The following DIXDC1 variants were observed in gnomAD, a reference collection of about 807,000 sequenced individuals.
DIXDC1 encodes the protein dixin.
In DIXDC1, 64 loss-of-function variants were observed where a neutral mutation model predicts 103.1. That is an observed-to-expected ratio of 0.62 (90% confidence interval 0.51 to 0.76). The LOEUF (loss-of-function observed/expected upper bound fraction) is 0.76. DIXDC1 is among the 30% of genes least tolerant of loss of function. DIXDC1 has a pLI of 0.00. For synonymous variants in DIXDC1, 266 were observed against 298.5 expected, an observed-to-expected ratio of 0.89 and a Z score of 1.12; for missense variants, 759 against 834.2, an observed-to-expected ratio of 0.91 and a Z score of 1.11.
At chr11:111,955,068 T>A (rs1966880454) in intron 1 of DIXDC1, among the ~76,000 whole-genome samples, 1 of 152,128 alleles carries the variant, frequency 6.6e-6, no homozygotes, top group Admixed American at 6.5e-5. Flanking sequence ...TGAGCACACC[T>A]ATCACCCAAA....
At chr11:111,984,819 C>G (rs186839272) in intron 7 of DIXDC1, among the ~76,000 whole-genome samples, 21 of 152,262 alleles carry the variant, frequency 1.4e-4, no homozygotes, top group Admixed American at 1.2e-3. Context: ...AGTGAGTGCT[C>G]CAAATGTATT....
Position 111,974,963 on chromosome 11 carries a change from G to C in DIXDC1, c.636G>C (p.Pro212=), listed in dbSNP as rs782343864. ...AGTACGAAGGGCAACAAAGGTCCCC[G>C]TCTGAATCCAGCTGCTCCAGGTAAC... The part of the protein sequence containing the change: ...VQQYEGQQRS[P]SESSCSSLTS... The change falls in exon 5 of 20, where the codon CCG becomes CCC. Residue 212 remains proline (P), a synonymous_variant. Coordinates refer to ENST00000440460, the MANE Select transcript of DIXDC1 (RefSeq NM_001037954.4). The C allele has an allele frequency of 1.2e-6, 2 of 1,612,606 alleles. No homozygotes were observed.
upstream of DIXDC1, among the ~76,000 whole-genome samples, chr11:111,935,290 CTATGA>C (rs1342798670): frequency 6.6e-6 from 1 of 152,172 alleles, no homozygotes; most frequent in African/African-American, 2.4e-5. Flanking sequence ...GTTGCTTTTT[CTATGA>C]TATAAGGGAC....
intron 17 of DIXDC1, among the ~76,000 whole-genome samples, chr11:112,004,178 T>G (rs995271789): frequency 5.3e-5 from 8 of 151,688 alleles, no homozygotes; most frequent in Non-Finnish European, 1.0e-4. Context: ...AGAACTGATA[T>G]GTATCAATTT....
At position 111,993,713 on chromosome 11, in the gene DIXDC1, T is replaced by C; in HGVS notation, c.1410T>C (p.Ala470=). The C allele has an allele frequency of 6.2e-7, 1 of 1,613,992 alleles. No homozygotes were observed. Among genetic ancestry groups the C allele is most frequent in the South Asian group, 1.1e-5 (1 of 91,078 alleles). Residue 470 remains alanine (A), a synonymous_variant, in exon 14 of 20, where the codon GCT becomes GCC. Coordinates refer to ENST00000440460, the MANE Select transcript of DIXDC1 (RefSeq NM_001037954.4). The part of the protein sequence containing the change: ...RELEHKDVLL[A]HCMKREADEA... ...TAGAACACAAAGATGTCCTCTTGGC[T>C]CACTGTATGAAAAGAGAGGCAGATG...
chr11:112,014,693 T>TC (rs1555177541), intron 17 of DIXDC1, among the ~76,000 whole-genome samples: 1 of 152,200 alleles, frequency 6.6e-6, no homozygotes, highest in African/African-American at 2.4e-5. Context: ...AGACCACATA[T>TC]AGTTTATTTT....
At chr11:111,937,031 GT>G (rs1237243292), upstream of DIXDC1, among the ~76,000 whole-genome samples, 1 of 149,864 alleles carries the variant, frequency 6.7e-6, no homozygotes, top group Non-Finnish European at 1.5e-5. Flanking sequence ...GTGTGTGTGT[GT>G]ATGCACACAG....
chr11:111,937,671 G>GC, intron 1 of DIXDC1, 112 bp downstream of exon 1: 3 of 1,139,922 alleles, frequency 2.6e-6, no homozygotes, highest in Non-Finnish European at 3.8e-6. Flanking sequence ...AGAGCAAATC[G>GC]CCCCCAGAAC....
At chr11:111,946,729 C>T in intron 1 of DIXDC1, 1 of 444,000 alleles carries the variant, frequency 2.3e-6, no homozygotes, top group Non-Finnish European at 4.6e-6. Flanking sequence ...AGCAGGAACT[C>T]ATTGAAGTCG....
chr11:111,995,050 G>A lies in DIXDC1; in HGVS notation c.1469G>A (p.Ser490Asn), dbSNP rs1860846793. 2.5e-6 allele frequency: 4 copies of A among 1,613,744 alleles called. No individual in the cohort carries two copies. The highest frequency in any genetic ancestry group is 3.4e-6 in the Non-Finnish European group (4 of 1,179,888). ...AACTACAACAGTCACAACTCTCAAA[G>A]CAATGGTTTTCTCCTTCCAACGGCA... ...ATNYNSHNSQ[S>N]NGFLLPTAGK... Residue 490 changes from serine to asparagine, a missense_variant, in exon 15 of 20, where the codon AGC (serine) becomes AAC (asparagine). This residue lies in a region of DIXDC1 where 657 missense variants were observed against 727.5 expected (regional missense o/e 0.90). Transcript: ENST00000440460.
chr11:111,954,222 G>T (rs1382204702), intron 1 of DIXDC1, among the ~76,000 whole-genome samples: 1 of 152,108 alleles, frequency 6.6e-6, no homozygotes, highest in Non-Finnish European at 1.5e-5. Flanking sequence ...TCGGGGTAAT[G>T]GGAGACAGTG....
rs200500225 is a variant in DIXDC1, at chr11:111,995,109, G to A, written c.1527+1G>A. 208 of 1,613,032 alleles carry A rather than the reference G, an allele frequency of 1.3e-4. No homozygotes were observed. Among genetic ancestry groups the A allele is most frequent in the Non-Finnish European group, 1.7e-4 (201 of 1,179,774 alleles). ...AGCTACTTCAGTCAGCAACAGAGGG[G>A]TACGTACCTGGAGTTTTGATGGAGT... On this transcript the variant is annotated splice_donor_variant, in intron 15 of 19. Transcript: ENST00000440460. LOFTEE classifies it high-confidence loss of function.
At position 111,957,998 on chromosome 11, in the gene DIXDC1, G is replaced by T. The variant is rs114660891; in HGVS notation, c.61-6551G>T. Among the ~76,000 whole-genome samples the T allele has an allele frequency of 3.9e-5, 6 of 152,242 alleles. No homozygotes were observed. In the East Asian group the frequency reaches 1.2e-3, roughly 29 times the overall value. ...AGCCTGCCCCCTCTGAGTTGGCAGG[G>T]TGGGAGCTTTATGCTCTCTGGGTGC... On this transcript the variant is annotated intron_variant, in intron 1 of 19. Transcript: ENST00000440460.
Position 111,977,806 on chromosome 11 carries a change from C to T in DIXDC1, c.656+2823C>T, listed in dbSNP as rs10891303. On this transcript the variant is annotated intron_variant, in intron 5 of 19. Transcript: ENST00000440460. The surrounding 1 kb of genome is among the most constrained non-coding windows in gnomAD (Gnocchi z 6.1). ...ACGCAAGTCAAATGGTGAGCTGAAGCCACTCTGGCTTTGGAAGTGGGGGGC... is the reference window on the plus strand; with the variant it reads ...ACGCAAGTCAAATGGTGAGCTGAAGTCACTCTGGCTTTGGAAGTGGGGGGC... 0.36 allele frequency: 560,927 copies of T among 1,555,950 alleles called. 104,615 individuals carry two copies. Among genetic ancestry groups the T allele is most frequent in the East Asian group, 0.57 (22,763 of 40,198 alleles).
intron 1 of DIXDC1, among the ~76,000 whole-genome samples, chr11:111,954,540 G>A (rs1966872453): frequency 6.6e-6 from 1 of 152,116 alleles, no homozygotes; most frequent in Non-Finnish European, 1.5e-5. Context: ...ATTTAAAAGG[G>A]TGCTTAGGTT....
intron 9 of DIXDC1, 39 bp from the exon 10 acceptor site, chr11:111,988,966 C>A: frequency 6.3e-7 from 1 of 1,587,590 alleles, no homozygotes; most frequent in Admixed American, 1.8e-5. Flanking sequence ...TGAAGCAACC[C>A]AGATGTCACC....
At position 111,962,157 on chromosome 11, in the gene DIXDC1, G is replaced by GA. The variant is rs587688580; in HGVS notation, c.61-2386dup. Among the ~76,000 whole-genome samples the GA allele has an allele frequency of 6.9e-3, 1,043 of 152,190 alleles. 6 individuals carry two copies. Among genetic ancestry groups the GA allele is most frequent in the Middle Eastern group, 0.048 (14 of 292 alleles). On this transcript the variant is annotated intron_variant, in intron 1 of 19. Transcript: ENST00000440460. ...TCTGAGAGGTCAGGGAAAGCTTTCTGAAAAAAGTGATACTTGAGCTGAGAC... is the reference window on the plus strand; with the variant it reads ...TCTGAGAGGTCAGGGAAAGCTTTCTGAAAAAAAGTGATACTTGAGCTGAGAC...
intron 2 of DIXDC1, among the ~76,000 whole-genome samples, chr11:111,931,534 T>A (rs1211587779): frequency 4.0e-5 from 6 of 151,736 alleles, no homozygotes; most frequent in Non-Finnish European, 8.8e-5. Flanking sequence ...TCCCAGCTGC[T>A]CGAGAGGCTG....
intron 2 of DIXDC1, chr11:111,929,967 C>G: frequency 6.9e-7 from 1 of 1,439,194 alleles, no homozygotes; most frequent in Non-Finnish European, 9.4e-7. Context: ...AATTTCAATA[C>G]AGTTCTACTT....
Sources: allele counts gnomAD v4.1 joint callset (sites outside exome capture counted in the v4.1 genomes callset), GRCh38; gene constraint gnomAD v4.1.1; regional missense constraint gnomAD v4.1.1; non-coding constraint Gnocchi (gnomAD v3.1); transcripts MANE v1.5; gene names NCBI Gene and HGNC (gene_info 2026-07-23, HGNC 2026-07-21).